SAMSN1: variants seen among roughly 807,000 people sequenced by gnomAD.
SAMSN1 encodes the protein SAM domain, SH3 domain and nuclear localization signals 1.
In SAMSN1, 31 loss-of-function variants were observed where a neutral mutation model predicts 42.0. That is an observed-to-expected ratio of 0.74 (90% confidence interval 0.55 to 1.00). The LOEUF (loss-of-function observed/expected upper bound fraction) is 1.00. Among genes scored for constraint, SAMSN1 ranks in the 50% least tolerant of loss-of-function variants. SAMSN1 has a pLI of 0.00. For missense variants in SAMSN1, 464 were observed against 439.4 expected (o/e 1.06, Z -0.50); for synonymous variants, 178 against 151.9 (o/e 1.17, Z -1.26).
At chr21:14,547,333 A>G (rs1039390092), upstream of SAMSN1, among the ~76,000 whole-genome samples, 2 of 152,202 alleles carry the variant, frequency 1.3e-5, no homozygotes, top group South Asian at 2.1e-4. Flanking sequence ...GGTTTCTTCA[A>G]ATAAAACACC....
chr21:14,500,752 C>T lies in SAMSN1; in HGVS notation c.562-17G>A. On this transcript the variant is annotated splice_polypyrimidine_tract_variant and intron_variant, in intron 5 of 7. Coordinates refer to ENST00000400566, the MANE Select transcript of SAMSN1 (RefSeq NM_022136.5). ...GTCTCCTTTCTAAGGGCAAAGAAAT[C>T]CATACACATTAGATTTCAGAGAACC... 2.5e-6 allele frequency: 4 copies of T among 1,573,962 alleles called. No homozygotes were observed. Among genetic ancestry groups the T allele is most frequent in the Non-Finnish European group, 3.5e-6 (4 of 1,143,902 alleles).
At chr21:14,574,986 C>G (rs749310950) in intron 2 of SAMSN1, among the ~76,000 whole-genome samples, 51 of 152,084 alleles carry the variant, frequency 3.4e-4, no homozygotes, top group Non-Finnish European at 5.4e-4. Context: ...ATTTTTACAC[C>G]AAAAATTGCT....
chr21:14,535,607 A>C (rs1428401947), intron 1 of SAMSN1, among the ~76,000 whole-genome samples: 1 of 152,228 alleles, frequency 6.6e-6, no homozygotes, highest in Non-Finnish European at 1.5e-5. Flanking sequence ...TAAAGCCTTT[A>C]AAGAGAAAAT....
chr21:14,620,485 C>A (rs1197311004), intron 2 of SAMSN1, among the ~76,000 whole-genome samples: 3 of 152,156 alleles, frequency 2.0e-5, no homozygotes, highest in Admixed American at 6.5e-5. Context: ...TCCATTAAAC[C>A]TCTTTCCTTT....
intron 2 of SAMSN1, among the ~76,000 whole-genome samples, chr21:14,641,553 T>C (rs985445989): frequency 6.6e-6 from 1 of 152,290 alleles, no homozygotes; most frequent in South Asian, 2.1e-4. Flanking sequence ...TCTAAATCTC[T>C]CTAAAATTGT....
At chr21:14,524,337 A>C (rs1172937410) in intron 1 of SAMSN1, among the ~76,000 whole-genome samples, 3 of 152,002 alleles carry the variant, frequency 2.0e-5, no homozygotes, top group African/African-American at 7.2e-5. Context: ...CTTATGACAG[A>C]AGTTCTTATC....
At position 14,633,180 on chromosome 21, in the gene SAMSN1, T is replaced by G. The variant is rs570448870; in HGVS notation, c.156+9822A>C. On this transcript the variant is annotated intron_variant, in intron 2 of 15. Transcript: ENST00000647101. ...TGAAACACCAGTCTAGATGTTGCTCTCTCTCTCTCTCTCTCTACACACACA... is the reference window on the plus strand; with the variant it reads ...TGAAACACCAGTCTAGATGTTGCTCGCTCTCTCTCTCTCTCTACACACACA... Among the ~76,000 whole-genome samples, 3 of 151,524 alleles carry G rather than the reference T, an allele frequency of 2.0e-5. No homozygotes were observed. In the East Asian group the frequency reaches 5.8e-4, roughly 29 times the overall value.
At chr21:14,602,502 G>T (rs944968346) in intron 5 of SAMSN1, among the ~76,000 whole-genome samples, 31 of 152,238 alleles carry the variant, frequency 2.0e-4, no homozygotes, top group African/African-American at 7.2e-4. Flanking sequence ...AGCTTCATTA[G>T]CTTAGGTCTT....
At chr21:14,508,145 A>G (rs1018914413) in intron 5 of SAMSN1, among the ~76,000 whole-genome samples, 1 of 152,226 alleles carries the variant, frequency 6.6e-6, no homozygotes, top group Non-Finnish European at 1.5e-5. Context: ...ACATTGGCTT[A>G]GGCAAGGATT....
At chr21:14,556,312 T>C (rs1346670660) in intron 2 of SAMSN1, among the ~76,000 whole-genome samples, 2 of 152,166 alleles carry the variant, frequency 1.3e-5, no homozygotes, top group Non-Finnish European at 2.9e-5. Context: ...GCCATCATCT[T>C]TGAGAACAAT....
chr21:14,590,840 C>CT (rs1274352731), intron 7 of SAMSN1, among the ~76,000 whole-genome samples: 5 of 152,142 alleles, frequency 3.3e-5, no homozygotes, highest in Admixed American at 6.5e-5. Flanking sequence ...TGACTAGTCT[C>CT]TATTCATGAC....
At chr21:14,588,338 G>T (rs1203666912), upstream of SAMSN1, among the ~76,000 whole-genome samples, 1 of 133,416 alleles carries the variant, frequency 7.5e-6, no homozygotes, top group Non-Finnish European at 1.6e-5. Context: ...TTCCACAATG[G>T]TTGAACTAGT....
intron 3 of SAMSN1, among the ~76,000 whole-genome samples, chr21:14,516,265 A>T (rs1473756227): frequency 6.6e-6 from 1 of 152,232 alleles, no homozygotes; most frequent in African/African-American, 2.4e-5. Context: ...AGTAAATGTG[A>T]TCCATCTATA....
intron 4 of SAMSN1, chr21:14,612,661 C>CTGTTTAAATATAAAA (rs1568830616): frequency 9.7e-6 from 6 of 616,832 alleles, no homozygotes; most frequent in Non-Finnish European, 1.9e-5. Flanking sequence ...TAAATATAAA[C>CTGTTTAAATATAAAA]GGAAAATATT....
At chr21:14,511,530 C>G (rs1485404388) in intron 4 of SAMSN1, among the ~76,000 whole-genome samples, 1 of 152,108 alleles carries the variant, frequency 6.6e-6, no homozygotes, top group African/African-American at 2.4e-5. Context: ...ATTCTACAGC[C>G]AATAGGAAAA....
chr21:14,599,774 C>A (rs1275618951), intron 6 of SAMSN1, among the ~76,000 whole-genome samples: 3 of 152,150 alleles, frequency 2.0e-5, no homozygotes, highest in Admixed American at 2.0e-4. Context: ...AATGCAGATG[C>A]CCAATCTTGA....
chr21:14,616,148 T>C, intron 2 of SAMSN1: 1 of 342,876 alleles, frequency 2.9e-6, no homozygotes, highest in Admixed American at 4.6e-5. Flanking sequence ...GTCTTTTCCC[T>C]AGTGAAAAAG....
intron 2 of SAMSN1, among the ~76,000 whole-genome samples, chr21:14,556,321 ATATAAT>A (rs1402246060): frequency 6.6e-6 from 1 of 152,196 alleles, no homozygotes; most frequent in Admixed American, 6.5e-5. Context: ...TTTGAGAACA[ATATAAT>A]TATAAGATGA....
chr21:14,563,530 GAGAAGCTCA>G (rs1255913073), intron 2 of SAMSN1, among the ~76,000 whole-genome samples: 1 of 152,120 alleles, frequency 6.6e-6, no homozygotes, highest in Non-Finnish European at 1.5e-5. Context: ...AAAAGAGCTG[GAGAAGCTCA>G]ATTTAAGGGG....
Sources: allele counts gnomAD v4.1 joint callset (sites outside exome capture counted in the v4.1 genomes callset), GRCh38; gene constraint gnomAD v4.1.1; transcripts MANE v1.5; gene names NCBI Gene and HGNC (gene_info 2026-07-23, HGNC 2026-07-21).